RPH3A: variants seen among roughly 807,000 people sequenced by gnomAD.
RPH3A encodes the protein rabphilin 3A.
RPH3A carries 48 observed loss-of-function variants against 102.2 expected under a neutral mutation model. The observed-to-expected ratio is 0.47, with a 90% confidence interval of 0.37 to 0.60. RPH3A has a LOEUF of 0.60. RPH3A is among the 20% of genes least tolerant of loss of function. The probability of loss-of-function intolerance (pLI) is 0.00; values close to 1 mark genes in which losing one functional copy is unlikely to be tolerated. For missense variants in RPH3A, 781 were observed against 910.1 expected, an observed-to-expected ratio of 0.86 and a Z score of 1.83; for synonymous variants, 310 against 324.3, an observed-to-expected ratio of 0.96 and a Z score of 0.47.
At chr12:112,644,550 C>T (rs773701928) in intron 1 of RPH3A, among the ~76,000 whole-genome samples, 39 of 152,198 alleles carry the variant, frequency 2.6e-4, no homozygotes, top group Non-Finnish European at 4.4e-4. Context: ...TGCATGCCAT[C>T]TGATAAGTAC....
chr12:112,859,045 T>C (rs749295174), intron 5 of RPH3A, among the ~76,000 whole-genome samples: 3 of 152,184 alleles, frequency 2.0e-5, no homozygotes, highest in Non-Finnish European at 2.9e-5. Flanking sequence ...GTTCAGCTAA[T>C]TGGGCACTTA....
chr12:112,680,481 A>G (rs1380905732), intron 1 of RPH3A, among the ~76,000 whole-genome samples: 1 of 152,158 alleles, frequency 6.6e-6, no homozygotes, highest in Non-Finnish European at 1.5e-5. Context: ...CATTTAATAG[A>G]TGAGGAAACT....
intron 4 of RPH3A, chr12:112,842,023 A>C (rs756250701): frequency 2.2e-6 from 1 of 456,046 alleles, no homozygotes; most frequent in South Asian, 1.5e-5. Context: ...GAGGTGTCAA[A>C]GAGTTTCCTG....
intron 1 of RPH3A, among the ~76,000 whole-genome samples, chr12:112,646,876 C>T (rs1045339119): frequency 1.3e-5 from 2 of 152,058 alleles, no homozygotes; most frequent in African/African-American, 4.8e-5. Flanking sequence ...GTTTGATGAC[C>T]GATGTGGAGA....
intron 1 of RPH3A, among the ~76,000 whole-genome samples, chr12:112,668,264 A>T (rs1024610959): frequency 3.3e-5 from 5 of 152,206 alleles, no homozygotes; most frequent in African/African-American, 1.2e-4. Context: ...AAATAAATAA[A>T]TCAAATTTCT....
chr12:112,809,099 T>C (rs1489682001), intron 2 of RPH3A, among the ~76,000 whole-genome samples: 1 of 152,174 alleles, frequency 6.6e-6, no homozygotes, highest in Non-Finnish European at 1.5e-5. Context: ...CGGTGAGTTA[T>C]CTTAGCTCAC....
At chr12:112,881,359 C>T (rs1174320568) in intron 14 of RPH3A, among the ~76,000 whole-genome samples, 1 of 152,170 alleles carries the variant, frequency 6.6e-6, no homozygotes, top group Non-Finnish European at 1.5e-5. Flanking sequence ...CCCGACCTTG[C>T]CTTTATTCTT....
At chr12:112,866,610 C>T (rs917838011) in intron 6 of RPH3A, 147 bp from the exon 7 acceptor site, 2 of 615,692 alleles carry the variant, frequency 3.2e-6, no homozygotes, top group African/African-American at 3.7e-5. Flanking sequence ...GAGTTTTATT[C>T]TAACTGGCCT....
At chr12:112,678,306 AG>A (rs1566255342) in intron 1 of RPH3A, among the ~76,000 whole-genome samples, 4 of 115,400 alleles carry the variant, frequency 3.5e-5, no homozygotes, top group Admixed American at 1.6e-4. Flanking sequence ...AGAAAGAAAG[AG>A]AGAGAGAGAG....
Position 112,756,299 on chromosome 12 carries a change from G to A in RPH3A, c.-139-35844G>A, listed in dbSNP as rs143096414. Among the ~76,000 whole-genome samples the A allele has an allele frequency of 3.7e-3, 568 of 151,484 alleles. 6 individuals carry two copies. The highest frequency in any genetic ancestry group is 0.013 in the African/African-American group (540 of 41,252). Reference sequence around the variant, plus strand: ...TGTAATCTCACTCACCACAACCTCCGCCTCCCTGGTTCAAACAATTCTCCT... The same window carrying A: ...TGTAATCTCACTCACCACAACCTCCACCTCCCTGGTTCAAACAATTCTCCT... On this transcript the variant is annotated intron_variant, in intron 1 of 21. Transcript: ENST00000543106.
intron 1 of RPH3A, among the ~76,000 whole-genome samples, chr12:112,757,453 AAGAG>A (rs1367061983): frequency 6.6e-6 from 1 of 152,178 alleles, no homozygotes; most frequent in Non-Finnish European, 1.5e-5. Context: ...AAATAACTAA[AAGAG>A]AGAATCTTGA....
At chr12:112,811,890 G>A (rs1346659900) in intron 2 of RPH3A, among the ~76,000 whole-genome samples, 1 of 152,078 alleles carries the variant, frequency 6.6e-6, no homozygotes, top group Non-Finnish European at 1.5e-5. Context: ...GCACATGGTG[G>A]AGGCATGACT....
rs576432516 is a variant in RPH3A at position 112,868,362 on chromosome 12, G to C, written c.445-68G>C. ...GGATGAGGAGGAAAGATAAAAATGGGCACTCATGAAGGTAAGAGCAACAGC... is the reference window on the plus strand; with the variant it reads ...GGATGAGGAGGAAAGATAAAAATGGCCACTCATGAAGGTAAGAGCAACAGC... On this transcript the variant is annotated intron_variant, in intron 7 of 21. Coordinates refer to ENST00000389385, the MANE Select transcript of RPH3A (RefSeq NM_001143854.2). The C allele has an allele frequency of 2.3e-5, 34 of 1,504,370 alleles. No individual in the cohort carries two copies. In the African/African-American group the frequency reaches 4.6e-4, roughly 20 times the overall value. The allele number at this position is 1,504,370 out of a possible 1,614,324, so 93.2% of individuals were successfully genotyped here.
intron 1 of RPH3A, among the ~76,000 whole-genome samples, chr12:112,577,289 T>G (rs893569915): frequency 1.3e-5 from 2 of 152,236 alleles, no homozygotes; most frequent in Admixed American, 1.3e-4. Context: ...TATTCATGAA[T>G]TTTCTATGAA....
At chr12:112,603,375 C>T (rs1177353213) in intron 1 of RPH3A, among the ~76,000 whole-genome samples, 8 of 152,114 alleles carry the variant, frequency 5.3e-5, no homozygotes, top group Non-Finnish European at 5.9e-5. Context: ...AGAAAGAATT[C>T]TGGGTGAGTC....
At chr12:112,690,292 G>A (rs1053798310) in intron 1 of RPH3A, among the ~76,000 whole-genome samples, 2 of 152,200 alleles carry the variant, frequency 1.3e-5, no homozygotes, top group African/African-American at 4.8e-5. Context: ...TGAGCTTTGG[G>A]AAGCTTTAGG....
Position 112,706,055 on chromosome 12 carries a change from G to A in RPH3A, c.-139-86088G>A, listed in dbSNP as rs963555957. Among the ~76,000 whole-genome samples, 41 of 152,210 alleles carry A rather than the reference G, an allele frequency of 2.7e-4. 1 individual carries two copies. The highest frequency in any genetic ancestry group is 9.9e-4 in the African/African-American group (41 of 41,454). ...GTATGCATTTCCTGACAGTTGCATA[G>A]TGCTATGAAAGACAAGTATAGGATA... On this transcript the variant is annotated intron_variant, in intron 1 of 21. Coordinates refer to the RPH3A transcript ENST00000543106.
At chr12:112,586,645 C>T (rs1382622940) in intron 1 of RPH3A, among the ~76,000 whole-genome samples, 1 of 151,980 alleles carries the variant, frequency 6.6e-6, no homozygotes, top group Admixed American at 6.6e-5. Context: ...TTGCACAGGC[C>T]CTGTGCATAG....
intron 1 of RPH3A, among the ~76,000 whole-genome samples, chr12:112,706,017 C>A (rs2040424943): frequency 6.6e-6 from 1 of 152,080 alleles, no homozygotes; most frequent in Non-Finnish European, 1.5e-5. Context: ...GAAACAGACC[C>A]AAACAAATAA....
Sources: gnomAD v4.1 joint callset for allele counts (sites outside exome capture counted in the v4.1 genomes callset) on GRCh38, gnomAD v4.1.1 for gene constraint, MANE v1.5 for transcripts, NCBI Gene and HGNC (gene_info 2026-07-23, HGNC 2026-07-21) for gene names.